Variants in KLF12 observed in about 807,000 individuals in gnomAD.
The protein encoded by KLF12 is Krueppel-like factor 12.
In KLF12, 9 loss-of-function variants were observed where a neutral mutation model predicts 37.8. That is an observed-to-expected ratio of 0.24 (90% CI 0.14 to 0.42). The LOEUF (loss-of-function observed/expected upper bound fraction) is 0.42. Among genes scored for constraint, KLF12 ranks in the 10% least tolerant of loss-of-function variants. The pLI is 1.00. For missense variants in KLF12, 411 were observed against 516.0 expected, an observed-to-expected ratio of 0.80 and a Z score of 1.97; for synonymous variants, 208 against 202.1, an observed-to-expected ratio of 1.03 and a Z score of -0.25.
intron 4 of KLF12, among the ~76,000 whole-genome samples, chr13:73,831,921 T>C (rs1049104540): frequency 2.0e-5 from 3 of 152,244 alleles, no homozygotes; most frequent in African/African-American, 7.2e-5. Flanking sequence ...ACCCAAGTTA[T>C]AAAAATAACG....
intron 1 of KLF12, among the ~76,000 whole-genome samples, chr13:74,114,304 T>A (rs1877155683): frequency 6.6e-6 from 1 of 152,228 alleles, no homozygotes; most frequent in Non-Finnish European, 1.5e-5. Flanking sequence ...TTAGCATTTT[T>A]TAGCAATGAA....
the KLF12 span, among the ~76,000 whole-genome samples, chr13:74,209,522 T>TCACACACACA: frequency 0.014 from 2,016 of 145,958 alleles, 42 homozygotes; most frequent in African/African-American, 0.042. Flanking sequence ...AACATCTTAG[T>TCACACACACA]CACACACACA....
At chr13:74,173,950 T>A in the KLF12 span, among the ~76,000 whole-genome samples, 1 of 152,178 alleles carries the variant, frequency 6.6e-6, no homozygotes, top group East Asian at 1.9e-4. Context: ...ACAATTCCTG[T>A]ACGAACTCAA....
At chr13:73,852,622 C>T (rs1471131570) in intron 3 of KLF12, among the ~76,000 whole-genome samples, 1 of 151,784 alleles carries the variant, frequency 6.6e-6, no homozygotes, top group Non-Finnish European at 1.5e-5. Context: ...ACTAAAAATA[C>T]AAAAATTAGC....
At chr13:73,956,820 C>G (rs1406274871) in intron 2 of KLF12, among the ~76,000 whole-genome samples, 2 of 151,842 alleles carry the variant, frequency 1.3e-5, no homozygotes, top group Non-Finnish European at 1.5e-5. Flanking sequence ...CCCAGCTAAT[C>G]AGGCTTAAGT....
At chr13:74,266,151 G>A in the KLF12 span, among the ~76,000 whole-genome samples, 1 of 152,182 alleles carries the variant, frequency 6.6e-6, no homozygotes, top group African/African-American at 2.4e-5. Context: ...CAGCCCATTT[G>A]ATCCAGCGGA....
the KLF12 span, among the ~76,000 whole-genome samples, chr13:74,271,914 A>T: frequency 1.3e-5 from 2 of 152,196 alleles, no homozygotes. Flanking sequence ...GGGGCAAAGA[A>T]CTCATGCCAG....
intron 5 of KLF12, among the ~76,000 whole-genome samples, chr13:73,806,380 C>T (rs935120909): frequency 2.6e-5 from 4 of 152,012 alleles, no homozygotes; most frequent in Non-Finnish European, 4.4e-5. Context: ...GGAATACAGG[C>T]GTGAGCCACC....
intron 3 of KLF12, among the ~76,000 whole-genome samples, chr13:73,866,576 A>T (rs1370934514): frequency 1.3e-5 from 2 of 151,506 alleles, no homozygotes; most frequent in African/African-American, 2.4e-5. Flanking sequence ...ATTCTGAAAT[A>T]AAAAAAAATA....
the KLF12 span, among the ~76,000 whole-genome samples, chr13:74,217,501 G>A: frequency 6.6e-6 from 1 of 152,106 alleles, no homozygotes; most frequent in African/African-American, 2.4e-5. Context: ...GGCAAAGGCA[G>A]GCAGATCACG....
the KLF12 span, among the ~76,000 whole-genome samples, chr13:74,190,044 C>T: frequency 9.9e-5 from 15 of 152,044 alleles, no homozygotes; most frequent in South Asian, 6.2e-4. Context: ...AAGATTACTG[C>T]AAAGAGTAAC....
chr13:73,815,224 C>G (rs1287831546), intron 4 of KLF12, among the ~76,000 whole-genome samples: 1 of 152,162 alleles, frequency 6.6e-6, no homozygotes, highest in East Asian at 1.9e-4. Context: ...GTTGGAGAAA[C>G]TGTAGGGCAA....
intron 3 of KLF12, among the ~76,000 whole-genome samples, chr13:73,898,485 G>A (rs556042770): frequency 9.2e-5 from 14 of 152,064 alleles, no homozygotes; most frequent in Non-Finnish European, 1.3e-4. Context: ...AATTCCCTCA[G>A]GGCTTTTTAA....
At chr13:73,927,772 T>C (rs1380572172) in intron 3 of KLF12, among the ~76,000 whole-genome samples, 1 of 149,796 alleles carries the variant, frequency 6.7e-6, no homozygotes, top group East Asian at 2.0e-4. Context: ...GTATTTTTAG[T>C]AAAGACAGGG....
chr13:73,923,459 T>C (rs757195756), intron 3 of KLF12, among the ~76,000 whole-genome samples: 4 of 152,192 alleles, frequency 2.6e-5, no homozygotes, highest in Non-Finnish European at 5.9e-5. Flanking sequence ...TACTAAGCAA[T>C]TTCAGCTACT....
chr13:73,992,608 T>C (rs777376837), intron 2 of KLF12, among the ~76,000 whole-genome samples: 2 of 152,166 alleles, frequency 1.3e-5, no homozygotes, highest in Non-Finnish European at 2.9e-5. Flanking sequence ...CACAGCATGA[T>C]ATTCTGTGGC....
intron 1 of KLF12, among the ~76,000 whole-genome samples, chr13:74,069,947 T>C (rs1047812747): frequency 1.3e-5 from 2 of 152,196 alleles, no homozygotes; most frequent in South Asian, 2.1e-4. Context: ...TGAAATGCTA[T>C]ATATCCAAGA....
chr13:73,699,956 A>G (rs1874425035), intron 7 of KLF12, among the ~76,000 whole-genome samples: 1 of 152,194 alleles, frequency 6.6e-6, no homozygotes, highest in South Asian at 2.1e-4. Context: ...AATAAAATCA[A>G]TAAAAATGAT....
At chr13:73,754,770 C>T (rs147226139) in intron 6 of KLF12, among the ~76,000 whole-genome samples, 20 of 152,242 alleles carry the variant, frequency 1.3e-4, no homozygotes, top group East Asian at 3.9e-4. Flanking sequence ...GAATAAATCT[C>T]GTCTCACCTA....
Sources: gnomAD v4.1 joint callset for allele counts (sites outside exome capture counted in the v4.1 genomes callset) on GRCh38, gnomAD v4.1.1 for gene constraint, MANE v1.5 for transcripts, NCBI Gene and HGNC (gene_info 2026-07-23, HGNC 2026-07-21) for gene names.